Variants in DNAH17 observed in about 807,000 individuals in gnomAD.
DNAH17 encodes the protein axonemal beta dynein heavy chain 17.
DNAH17 carries 376 observed loss-of-function variants against 485.6 expected under a neutral mutation model. That is an observed-to-expected ratio of 0.77 (90% CI 0.71 to 0.84). DNAH17 has a LOEUF of 0.84. DNAH17 is among the 40% of genes least tolerant of loss of function. The probability of loss-of-function intolerance (pLI) is 0.00; values close to 1 mark genes in which losing one functional copy is unlikely to be tolerated. For synonymous variants in DNAH17, 3,031 were observed against 2,405.9 expected (o/e 1.26, Z -7.60); for missense variants, 6,370 against 5,839.3 (o/e 1.09, Z -2.96).
rs765954549 is a variant in DNAH17 at position 78,555,543 on chromosome 17, CAAAA to C, written c.2178+2561_2178+2564del. Among the ~76,000 whole-genome samples, 665 of 77,668 alleles carry C rather than the reference CAAAA, an allele frequency of 8.6e-3. 2 individuals are homozygous for C. The highest frequency in any genetic ancestry group is 0.034 in the African/African-American group (606 of 17,794). 51.0% of individuals were successfully genotyped at this position (77,668 alleles called of 152,430 possible). A position where few individuals can be genotyped will look rare whatever the true frequency, so the allele number is the denominator to read the frequency against. On this transcript the variant is annotated intron_variant, in intron 14 of 80. Transcript: ENST00000389840. ...CGGGGAGAGGAGCAAGATTCCGTCA[CAAAA>C]AAAAAAAAAAAAAAAAAAAGAGGCA...
In DNAH17 at chr17:78,561,900, C is replaced by T. The variant is rs763814763; in HGVS notation, c.1650G>A (p.Glu550=). 7 of 1,613,894 alleles carry T rather than the reference C, an allele frequency of 4.3e-6. No individual in the cohort carries two copies. The highest frequency in any genetic ancestry group is 5.9e-6 in the Non-Finnish European group (7 of 1,179,864). ...CATTGTCTAGCTCAGCGTCAAACAG[C>T]TCCAGCATGACTGAATACCTGGGCG... The part of the protein sequence containing the change: ...EVAPRYSVML[E]LFDAELDNAK... The change falls in exon 12 of 81, where the codon GAG becomes GAA. Residue 550 remains glutamate (E), a synonymous_variant. Coordinates refer to ENST00000389840, the MANE Select transcript of DNAH17 (RefSeq NM_173628.4).
At chr17:78,458,111 G>A (rs1598482288) in intron 62 of DNAH17, among the ~76,000 whole-genome samples, 1 of 152,218 alleles carries the variant, frequency 6.6e-6, no homozygotes, top group African/African-American at 2.4e-5. Context: ...GCCAGCCTCT[G>A]TACTTTTTAA....
At position 78,486,296 on chromosome 17, in the gene DNAH17, G is replaced by A. The variant is rs983187971; in HGVS notation, c.7029C>T (p.Pro2343=). 5 of 1,612,522 alleles carry A rather than the reference G, an allele frequency of 3.1e-6. No homozygotes were observed. Among genetic ancestry groups the A allele is most frequent in the Admixed American group, 3.3e-5 (2 of 59,982 alleles). Residue 2343 remains proline, a synonymous_variant, in exon 45 of 81, where the codon CCC becomes CCT. Coordinates refer to ENST00000389840, the MANE Select transcript of DNAH17 (RefSeq NM_173628.4). The part of the protein sequence containing the change: ...LTEKTVPPDS[P]RELYELYFVF... ...CGAAGTACAGCTCGTACAGCTCCCT[G>A]GGGGAGTCGGGGGGCACGGTCTTCT...
At chr17:78,514,503 C>CA (rs79884057) in intron 26 of DNAH17, among the ~76,000 whole-genome samples, 28,942 of 111,268 alleles carry the variant, frequency 0.26, 4,049 homozygotes, top group Non-Finnish European at 0.29. Context: ...GACTCCGTCT[C>CA]AAAAAAAAAA....
At chr17:78,557,831 G>C (rs1221592291) in intron 14 of DNAH17, among the ~76,000 whole-genome samples, 3 of 151,824 alleles carry the variant, frequency 2.0e-5, no homozygotes, top group Non-Finnish European at 2.9e-5. Flanking sequence ...TCTTACACCA[G>C]AAGTTGTTGG....
chr17:78,491,389 C>T lies in DNAH17; in HGVS notation c.6669+54G>A, dbSNP rs911283719. ...CTCCGTAGGCGCCTCCCTGTGAGCC[C>T]CCGTTGTCCCTGCCTTGGGTGGCCT... On this transcript the variant is annotated intron_variant, in intron 43 of 80. Coordinates refer to ENST00000389840, the MANE Select transcript of DNAH17 (RefSeq NM_173628.4). 4.4e-6 allele frequency: 7 copies of T among 1,590,486 alleles called. No homozygotes were observed. In the African/African-American group the frequency reaches 8.1e-5, roughly 18 times the overall value.
At chr17:78,433,146 G>C (rs1426929998) in intron 75 of DNAH17, among the ~76,000 whole-genome samples, 1 of 152,192 alleles carries the variant, frequency 6.6e-6, no homozygotes, top group East Asian at 1.9e-4. Context: ...GTTTATAGGG[G>C]TGTGCACCGC....
At chr17:78,539,681 T>G (rs1272750453) in intron 18 of DNAH17, 56 bp downstream of exon 18, 13 of 1,405,742 alleles carry the variant, frequency 9.2e-6, no homozygotes, top group Non-Finnish European at 1.0e-5. Flanking sequence ...AAACTATAGA[T>G]TCTAACAGAT....
rs1249119047 is a variant in DNAH17 at position 78,468,613 on chromosome 17, C to T, written c.8778+4G>A. 5 of 1,610,364 alleles carry T rather than the reference C, an allele frequency of 3.1e-6. No homozygotes were observed. Among genetic ancestry groups the T allele is most frequent in the South Asian group, 1.1e-5 (1 of 90,634 alleles). On this transcript the variant is annotated splice_donor_region_variant and intron_variant, in intron 55 of 80. Transcript: ENST00000389840. ...TGAGGCCCTGCCGAAGACGGGAGCC[C>T]CACCTTGAGCTGTCTGCGCACTTTT...
At chr17:78,513,169 G>T (rs192893719) in intron 26 of DNAH17, among the ~76,000 whole-genome samples, 2 of 151,964 alleles carry the variant, frequency 1.3e-5, no homozygotes, top group East Asian at 3.9e-4. Context: ...CGGGAAGGAG[G>T]CTGGGGGACA....
chr17:78,477,908 TACCACATCACCATCACCACCATCATCACC>T (rs2089110753), intron 51 of DNAH17, among the ~76,000 whole-genome samples: 2 of 140,480 alleles, frequency 1.4e-5, no homozygotes, highest in Admixed American at 1.4e-4. Flanking sequence ...CCATCATCAT[TACCACATCACCATCACCACCATCATCACC>T]ACCATCACCA....
chr17:78,465,121 G>A (rs1322405852), intron 56 of DNAH17, among the ~76,000 whole-genome samples: 7 of 152,182 alleles, frequency 4.6e-5, no homozygotes, highest in Non-Finnish European at 1.0e-4. Context: ...TGGTGGAGAC[G>A]GGGTTTCGCT....
chr17:78,451,239 A>G (rs535326155), intron 66 of DNAH17, among the ~76,000 whole-genome samples: 2 of 152,358 alleles, frequency 1.3e-5, no homozygotes, highest in South Asian at 4.1e-4. Context: ...CAAAGAGGTC[A>G]TGTGACTTAG....
At chr17:78,426,683 A>G (rs890152865) in intron 78 of DNAH17, 83 bp from the exon 79 acceptor site, 6 of 1,513,660 alleles carry the variant, frequency 4.0e-6, no homozygotes, top group African/African-American at 2.8e-5. Context: ...ATGAGTTGTC[A>G]ACACAGTGTG....
chr17:78,510,755 C>CCCCA (rs1555679582), intron 26 of DNAH17: 2 of 379,224 alleles, frequency 5.3e-6, no homozygotes, highest in Non-Finnish European at 9.5e-6. Context: ...ATTGCGGCCC[C>CCCCA]CCCGCAAAAT....
At chr17:78,537,132 C>T (rs1364723795) in intron 19 of DNAH17, among the ~76,000 whole-genome samples, 167 bp downstream of exon 19, 1 of 149,070 alleles carries the variant, frequency 6.7e-6, no homozygotes, top group Admixed American at 6.7e-5. Context: ...GAGCCAAGAT[C>T]GCGCCACTGC....
chr17:78,471,856 C>A (rs911037931), intron 54 of DNAH17, among the ~76,000 whole-genome samples: 1 of 152,150 alleles, frequency 6.6e-6, no homozygotes, highest in Non-Finnish European at 1.5e-5. Context: ...CATCTCTACC[C>A]GCATCCTATC....
intron 54 of DNAH17, among the ~76,000 whole-genome samples, chr17:78,470,549 CGTG>C (rs1463251625): frequency 1.3e-5 from 2 of 151,924 alleles, no homozygotes; most frequent in Admixed American, 6.6e-5. Flanking sequence ...ATTAGCCAGG[CGTG>C]GTGGCACGCA....
At chr17:78,544,181 C>T (rs567138802) in intron 16 of DNAH17, among the ~76,000 whole-genome samples, 184 bp from the exon 17 acceptor site, 1 of 152,144 alleles carries the variant, frequency 6.6e-6, no homozygotes, top group Non-Finnish European at 1.5e-5. Context: ...GACTGTTGAC[C>T]AGAGAACCTT....
Sources: allele counts gnomAD v4.1 joint callset (sites outside exome capture counted in the v4.1 genomes callset), GRCh38; gene constraint gnomAD v4.1.1; transcripts MANE v1.5; gene names NCBI Gene and HGNC (gene_info 2026-07-23, HGNC 2026-07-21).